The following RAD9B variants were observed in gnomAD, a reference collection of about 807,000 sequenced individuals.
RAD9B encodes the protein RAD9 checkpoint clamp component B, also known as cell cycle checkpoint control protein RAD9B.
Under a neutral mutation model 48.3 loss-of-function variants are expected in RAD9B, and 41 were observed. The observed-to-expected ratio is 0.85, with a 90% confidence interval of 0.66 to 1.10. The LOEUF (loss-of-function observed/expected upper bound fraction) is 1.10, where lower values mean the gene tolerates loss of function less well. RAD9B is among the 50% of genes least tolerant of loss of function. The probability of loss-of-function intolerance (pLI) is 0.00; values close to 1 mark genes in which losing one functional copy is unlikely to be tolerated. For synonymous variants in RAD9B, 160 were observed against 157.9 expected (o/e 1.01, Z -0.10); for missense variants, 444 against 485.1 (o/e 0.92, Z 0.80).
In RAD9B at chr12:110,530,544, G is replaced by A. The variant is rs774891884; in HGVS notation, c.1145G>A (p.Gly382Glu). The A allele has an allele frequency of 2.5e-6, 4 of 1,613,840 alleles. No individual in the cohort carries two copies. In the South Asian group the frequency reaches 3.3e-5, roughly 13 times the overall value. Residue 382 changes from glycine (G) to glutamate (E), a missense_variant, in exon 11 of 11, where the codon GGA becomes GAA. By Grantham distance (98) the Gly-to-Glu change is moderately conservative (BLOSUM62 -2). Coordinates refer to ENST00000409300, the MANE Select transcript of RAD9B (RefSeq NM_001286535.2). Reference protein sequence around the residue: ...CLRKFSCMFFGAVSSDQQEHF... With the variant: ...CLRKFSCMFFEAVSSDQQEHF... ...CTCCAGTTTTCTTGCATGTTCTTTG[G>A]AGCAGTTTCTTCTGACCAGCAAGAA...
chr12:110,525,715 A>G (rs1040010969), intron 10 of RAD9B, among the ~76,000 whole-genome samples: 1 of 151,772 alleles, frequency 6.6e-6, no homozygotes, highest in Non-Finnish European at 1.5e-5. Context: ...CTTTGATACT[A>G]TGTCTCACTC....
At chr12:110,518,640 T>A (rs781591931) in intron 6 of RAD9B, 36 bp from the exon 7 acceptor site, 1 of 1,423,744 alleles carries the variant, frequency 7.0e-7, no homozygotes, top group South Asian at 1.3e-5. Flanking sequence ...TCTCTGGAAC[T>A]AATTTTATTC....
intron 6 of RAD9B, among the ~76,000 whole-genome samples, chr12:110,517,175 T>G (rs2063623568): frequency 2.0e-5 from 3 of 149,296 alleles, no homozygotes. Context: ...TCTACAAAAA[T>G]AAAAAATTAG....
intron 10 of RAD9B, among the ~76,000 whole-genome samples, chr12:110,524,137 G>A (rs1053640688): frequency 5.9e-5 from 9 of 152,282 alleles, no homozygotes; most frequent in Admixed American, 5.2e-4. Context: ...TATTAACTGC[G>A]TAACTTGGAC....
intron 2 of RAD9B, among the ~76,000 whole-genome samples, chr12:110,505,172 C>T (rs1041225646): frequency 6.6e-6 from 1 of 151,802 alleles, no homozygotes; most frequent in African/African-American, 2.4e-5. Context: ...CATGTATGTA[C>T]ACCTATATGT....
rs1366627148 is a variant in RAD9B at position 110,531,376 on chromosome 12, G to A, written c.*723G>A. The stretch of plus-strand genomic sequence containing the variant: ...CCTGGCTAATTTCTGGTATTTTGTA[G>A]AGACAGGGTTTCGCCATGTTGGCCA... On this transcript the variant is annotated 3_prime_UTR_variant, in exon 11 of 11. Transcript: ENST00000409300. The A allele has an allele frequency of 4.4e-6, 2 of 457,288 alleles. No individual in the cohort carries two copies. The highest frequency in any genetic ancestry group is 4.1e-5 in the African/African-American group (2 of 48,446). 28.3% of individuals were successfully genotyped at this position (457,288 alleles called of 1,614,324 possible).
chr12:110,531,573 G>A lies in RAD9B; in HGVS notation c.*920G>A, dbSNP rs925844820. 6 of 1,580,218 alleles carry A rather than the reference G, an allele frequency of 3.8e-6. No individual in the cohort carries two copies. The African/African-American group carries it at 6.8e-5, about 18-fold the overall frequency. On this transcript the variant is annotated 3_prime_UTR_variant, in exon 11 of 11. Transcript: ENST00000409300. ...TTCAGATGTGATTTTTTATTTTGCAGTGTGCTGCAGGAAAGAATTTAATGG... is the reference window on the plus strand; with the variant it reads ...TTCAGATGTGATTTTTTATTTTGCAATGTGCTGCAGGAAAGAATTTAATGG...
chr12:110,507,543 A>AATATATGTATTAAATATATATGTATT (rs1565880007), intron 4 of RAD9B, among the ~76,000 whole-genome samples: 5 of 46,996 alleles, frequency 1.1e-4, no homozygotes, highest in Non-Finnish European at 2.0e-4. Flanking sequence ...TATAATACAT[A>AATATATGTATTAAATATATATGTATT]ATATATGTAT....
In RAD9B at chr12:110,530,572, C is replaced by T; in HGVS notation, c.1173C>T (p.His391=). 1 of 1,614,032 alleles carries T rather than the reference C, an allele frequency of 6.2e-7. No homozygotes were observed. Among genetic ancestry groups the T allele is most frequent in the Non-Finnish European group, 8.5e-7 (1 of 1,179,886 alleles). ...FGAVSSDQQE[H]FNHPFDSLAR... ...CAGTTTCTTCTGACCAGCAAGAACA[C>T]TTCAACCACCCTTTCGACAGTCTGG... Residue 391 remains histidine (H), a synonymous_variant, in exon 11 of 11, where the codon CAC becomes CAT. Coordinates refer to ENST00000409300, the MANE Select transcript of RAD9B (RefSeq NM_001286535.2).
rs1356989311 is a variant in RAD9B, at chr12:110,531,402, G to T, written c.*749G>T. The T allele has an allele frequency of 1.9e-6, 1 of 525,398 alleles. No homozygotes were observed. The highest frequency in any genetic ancestry group is 3.3e-6 in the Non-Finnish European group (1 of 305,250). 32.5% of individuals were successfully genotyped at this position (525,398 alleles called of 1,614,324 possible). ...AGACAGGGTTTCGCCATGTTGGCCA[G>T]GGTGGTCTTGAACTCCTGGCCTCAA... On this transcript the variant is annotated 3_prime_UTR_variant, in exon 11 of 11. Transcript: ENST00000409300.
intron 6 of RAD9B, among the ~76,000 whole-genome samples, chr12:110,517,077 C>T (rs1474886741): frequency 6.6e-6 from 1 of 152,080 alleles, no homozygotes; most frequent in Non-Finnish European, 1.5e-5. Context: ...TGGCTCACCC[C>T]TGTAATCCTA....
rs532290996 is a variant in RAD9B, at chr12:110,507,650, C to CAT, written c.388+966_388+967dup. Among the ~76,000 whole-genome samples, 13 of 145,854 alleles carry CAT rather than the reference C, an allele frequency of 8.9e-5. 1 individual carries two copies. In the South Asian group the frequency reaches 2.1e-3, roughly 24 times the overall value. ...ATATACATAATGTATAACATATATA[C>CAT]ATATATATATTCATTTTGAGATGGA... is the stretch of plus-strand genomic sequence containing the variant. On this transcript the variant is annotated intron_variant, in intron 4 of 10. Coordinates refer to ENST00000409300, the MANE Select transcript of RAD9B (RefSeq NM_001286535.2).
intron 10 of RAD9B, among the ~76,000 whole-genome samples, chr12:110,522,800 T>G (rs932323783): frequency 3.9e-5 from 6 of 152,362 alleles, no homozygotes; most frequent in African/African-American, 1.4e-4. Flanking sequence ...ACTTTTCAAA[T>G]TTGTTTGGTA....
chr12:110,531,947 T>C lies in RAD9B; in HGVS notation c.*1294T>C, dbSNP rs1460972856. Reference sequence around the variant, plus strand: ...TACTTTAGACTTTGTGAGAAATTCATAAAGGTGGCTGAGTGGATTTGCATG... The same window carrying C: ...TACTTTAGACTTTGTGAGAAATTCACAAAGGTGGCTGAGTGGATTTGCATG... On this transcript the variant is annotated 3_prime_UTR_variant, in exon 11 of 11. Transcript: ENST00000409300. 2 of 296,552 alleles carry C rather than the reference T, an allele frequency of 6.7e-6. No homozygotes were observed. The allele number at this position is 296,552 out of a possible 1,614,324, so 18.4% of individuals were successfully genotyped here. A position where few individuals can be genotyped will look rare whatever the true frequency, so the allele number is the denominator to read the frequency against.
Position 110,522,355 on chromosome 12 carries a change from T to A in RAD9B, c.1069T>A (p.Ser357Thr), listed in dbSNP as rs768844012. 1 of 1,613,484 alleles carries A rather than the reference T, an allele frequency of 6.2e-7. No individual in the cohort carries two copies. The highest frequency in any genetic ancestry group is 1.7e-5 in the Admixed American group (1 of 59,942). The change falls in exon 10 of 11, where the codon TCA (serine) becomes ACA (threonine). Residue 357 changes from serine to threonine, a missense_variant. Coordinates refer to ENST00000409300, the MANE Select transcript of RAD9B (RefSeq NM_001286535.2). ...AGTGGATGGAGATGTCAGTGAAGTA[T>A]CAGAAAGCAGTGTCAGCAACACAGA... ...KRVDGDVSEV[S>T]ESSVSNTEEV...
chr12:110,507,412 A>G (rs1391291656), intron 4 of RAD9B, among the ~76,000 whole-genome samples: 2 of 143,434 alleles, frequency 1.4e-5, no homozygotes, highest in African/African-American at 2.5e-5. Context: ...TATGTATTAA[A>G]TATAATATAT....
intron 2 of RAD9B, among the ~76,000 whole-genome samples, chr12:110,505,313 A>G (rs2063229819): frequency 6.6e-6 from 1 of 152,154 alleles, no homozygotes; most frequent in South Asian, 2.1e-4. Context: ...TGCAAATTCA[A>G]TACAGACTAT....
In RAD9B at chr12:110,531,120, ATT is replaced by A. The variant is rs970277233; in HGVS notation, c.*468_*469del. The A allele has an allele frequency of 1.0e-6, 1 of 992,450 alleles. No individual in the cohort carries two copies. Among genetic ancestry groups the A allele is most frequent in the African/African-American group, 1.7e-5 (1 of 57,248 alleles). The allele number at this position is 992,450 out of a possible 1,614,324, so 61.5% of individuals were successfully genotyped here. ...TGTAATACCATGGCCTTTTTTGTGC[ATT>A]GTTTTTTATATTTTAAGACTTTAAG... On this transcript the variant is annotated 3_prime_UTR_variant, in exon 11 of 11. Transcript: ENST00000409300.
intron 10 of RAD9B, among the ~76,000 whole-genome samples, chr12:110,530,144 G>A (rs975192447): frequency 3.3e-5 from 5 of 152,152 alleles, no homozygotes; most frequent in African/African-American, 9.7e-5. Flanking sequence ...CCGGGTTCAC[G>A]CCATTCTCCT....
Sources: allele counts gnomAD v4.1 joint callset (sites outside exome capture counted in the v4.1 genomes callset), GRCh38; gene constraint gnomAD v4.1.1; transcripts MANE v1.5; gene names NCBI Gene and HGNC (gene_info 2026-07-23, HGNC 2026-07-21).